COG1: variants seen among roughly 807,000 people sequenced by gnomAD.
The protein encoded by COG1 is conserved oligomeric Golgi complex subunit 1.
COG1 carries 61 observed loss-of-function variants against 102.2 expected under a neutral mutation model. The ratio of observed to expected loss-of-function variants is 0.60; its 90% confidence interval spans 0.49 to 0.74. The LOEUF is 0.74. Ranked by LOEUF, COG1 falls within the 30% of genes least tolerant of loss-of-function variation. The pLI is 0.00. For missense variants in COG1, 1,164 were observed against 1,232.1 expected, an observed-to-expected ratio of 0.94 and a Z score of 0.83; for synonymous variants, 454 against 493.6, an observed-to-expected ratio of 0.92 and a Z score of 1.06.
At chr17:73,197,815 C>A (rs2061331517) in intron 4 of COG1, among the ~76,000 whole-genome samples, 1 of 152,108 alleles carries the variant, frequency 6.6e-6, no homozygotes, top group South Asian at 2.1e-4. Context: ...AACTGTAAGA[C>A]AGCCAGTGAG....
chr17:73,194,515 G>A (rs1263551095), intron 1 of COG1, among the ~76,000 whole-genome samples: 1 of 146,208 alleles, frequency 6.8e-6, no homozygotes, highest in Non-Finnish European at 1.5e-5. Context: ...CCAGGCTGGA[G>A]TGCAGTGGCG....
intron 11 of COG1, among the ~76,000 whole-genome samples, 158 bp from the exon 12 acceptor site, chr17:73,206,550 A>C (rs1487361728): frequency 6.6e-6 from 1 of 152,140 alleles, no homozygotes; most frequent in Non-Finnish European, 1.5e-5. Flanking sequence ...ACCTGTGGGC[A>C]GTGATAAAAA....
At position 73,201,102 on chromosome 17, in the gene COG1, C is replaced by A. The variant is rs773727583; in HGVS notation, c.1282-7C>A. 6.2e-7 allele frequency: 1 copy of A among 1,613,274 alleles called. No homozygotes were observed. Among genetic ancestry groups the A allele is most frequent in the African/African-American group, 1.3e-5 (1 of 74,934 alleles). ...GTGATTAGAACTCTTCTCTCATTCT[C>A]TTTTAGACTCTGACAAAAGAAGGCT... On this transcript the variant is annotated splice_region_variant and splice_polypyrimidine_tract_variant and intron_variant, in intron 6 of 13. Coordinates refer to ENST00000299886, the MANE Select transcript of COG1 (RefSeq NM_018714.3).
intron 4 of COG1, among the ~76,000 whole-genome samples, chr17:73,197,855 C>T (rs1000456428): frequency 2.0e-5 from 3 of 152,174 alleles, no homozygotes; most frequent in Non-Finnish European, 4.4e-5. Context: ...GCTGCTTGAG[C>T]AGAGACTGGA....
intron 13 of COG1, 90 bp downstream of exon 13, chr17:73,207,346 T>A (rs2145108654): frequency 8.5e-7 from 1 of 1,177,084 alleles, no homozygotes; most frequent in Non-Finnish European, 1.3e-6. Context: ...AATAACTGAT[T>A]AAGAACTGAA....
chr17:73,206,670 T>A, intron 11 of COG1, 38 bp from the exon 12 acceptor site: 4 of 1,188,692 alleles, frequency 3.4e-6, no homozygotes, highest in Non-Finnish European at 5.0e-6. Flanking sequence ...TTCTTTTACC[T>A]GCACAATGAA....
At position 73,203,153 on chromosome 17, in the gene COG1, AG is replaced by A. The variant is rs771293868; in HGVS notation, c.2220+10del. The A allele has an allele frequency of 1.9e-6, 3 of 1,614,146 alleles. No individual in the cohort carries two copies. Among genetic ancestry groups the A allele is most frequent in the Non-Finnish European group, 2.5e-6 (3 of 1,179,994 alleles). On this transcript the variant is annotated splice_region_variant and intron_variant, in intron 8 of 13. Coordinates refer to ENST00000299886, the MANE Select transcript of COG1 (RefSeq NM_018714.3). ...GATCCGACTCCCTGCACAGGTGAGCAGGGACCATGGGCTGAAAAAGGGAATA... is the reference window on the plus strand; with the variant it reads ...GATCCGACTCCCTGCACAGGTGAGCAGGACCATGGGCTGAAAAAGGGAATA...
chr17:73,206,638 CTT>C (rs75205063), intron 11 of COG1, 68 bp from the exon 12 acceptor site: 41,226 of 740,356 alleles, frequency 0.056, no homozygotes, highest in East Asian at 0.063. Context: ...GGTGACTAAC[CTT>C]TTTTTTTTTT....
At chr17:73,206,845 G>C in intron 12 of COG1, 28 bp downstream of exon 12, 1 of 1,540,378 alleles carries the variant, frequency 6.5e-7, no homozygotes, top group Non-Finnish European at 9.0e-7. Flanking sequence ...GCTTCTGCGG[G>C]GCACTTCGGG....
Position 73,193,372 on chromosome 17 carries a change from G to A in COG1, c.303G>A (p.Pro101=), listed in dbSNP as rs886053368. ...RQAGSAAPRP[P]RAQQPQQPSQ... is the part of the protein sequence containing the mutation. ...CCGGCTCGGCCGCGCCCCGGCCACCGCGGGCCCAGCAGGTCAGTCCCCGTG... is the reference window on the plus strand; with the variant it reads ...CCGGCTCGGCCGCGCCCCGGCCACCACGGGCCCAGCAGGTCAGTCCCCGTG... The change falls in exon 1 of 14, where the codon CCG becomes CCA. Residue 101 remains proline, a synonymous_variant. Coordinates refer to ENST00000299886, the MANE Select transcript of COG1 (RefSeq NM_018714.3). 2.0e-6 allele frequency: 3 copies of A among 1,489,000 alleles called. No homozygotes were observed. Among genetic ancestry groups the A allele is most frequent in the East Asian group, 2.6e-5 (1 of 38,936 alleles). 92.2% of individuals were successfully genotyped at this position (1,489,000 alleles called of 1,614,324 possible).
rs11658510 is a variant in COG1 at position 73,197,494 on chromosome 17, G to A, written c.913+98G>A. 0.29 allele frequency: 388,110 copies of A among 1,344,846 alleles called. 58,326 individuals are homozygous for A. Among genetic ancestry groups the A allele is most frequent in the Admixed American group, 0.33 (17,930 of 54,622 alleles). The allele number at this position is 1,344,846 out of a possible 1,614,324, so 83.3% of individuals were successfully genotyped here. On this transcript the variant is annotated intron_variant, in intron 4 of 13. Coordinates refer to ENST00000299886, the MANE Select transcript of COG1 (RefSeq NM_018714.3). Reference sequence around the variant, plus strand: ...AGCCACCATGCTAGGCTCTGGGGATGGAGCAGTGAACTGGACAAATAGAGG... The same window carrying A: ...AGCCACCATGCTAGGCTCTGGGGATAGAGCAGTGAACTGGACAAATAGAGG...
At chr17:73,202,798 G>A (rs541376188) in intron 7 of COG1, among the ~76,000 whole-genome samples, 5 of 152,266 alleles carry the variant, frequency 3.3e-5, no homozygotes, top group South Asian at 4.1e-4. Context: ...AAAAAAAGAA[G>A]TGGTATTTGA....
intron 13 of COG1, chr17:73,207,600 GTGA>G: frequency 1.1e-6 from 1 of 923,748 alleles, no homozygotes; most frequent in Non-Finnish European, 1.5e-6. Context: ...TTTTGTTCTG[GTGA>G]TGATGGTTTT....
chr17:73,199,814 A>G, intron 4 of COG1, 51 bp from the exon 5 acceptor site: 1 of 1,610,902 alleles, frequency 6.2e-7, no homozygotes, highest in South Asian at 1.1e-5. Context: ...CTGTTTCAAT[A>G]TGCACTTCAA....
intron 1 of COG1, among the ~76,000 whole-genome samples, chr17:73,196,087 G>C (rs554460267): frequency 6.6e-6 from 1 of 152,192 alleles, no homozygotes; most frequent in Non-Finnish European, 1.5e-5. Context: ...TTGATGTCTG[G>C]TGAGGGCCTT....
chr17:73,196,547 C>T lies in COG1; in HGVS notation c.356C>T (p.Ala119Val), dbSNP rs746751781. The T allele has an allele frequency of 7.4e-6, 12 of 1,614,200 alleles. No individual in the cohort carries two copies. The highest frequency in any genetic ancestry group is 9.3e-6 in the Non-Finnish European group (11 of 1,180,026). ...PSQEKFYSMA[A>V]QIKLLLEIPE... ...CAGGAGAAGTTCTACAGCATGGCTGCCCAGATCAAGCTACTCTTAGAAATT... is the reference window on the plus strand; with the variant it reads ...CAGGAGAAGTTCTACAGCATGGCTGTCCAGATCAAGCTACTCTTAGAAATT... Residue 119 changes from alanine (A) to valine (V), a missense_variant, in exon 2 of 14, where the codon GCC (alanine) becomes GTC (valine). Physicochemically the swap from Ala to Val is moderately conservative, Grantham distance 64. Transcript: ENST00000299886.
chr17:73,193,332 C>T lies in COG1; in HGVS notation c.263C>T (p.Ala88Val), dbSNP rs1259065584. The T allele has an allele frequency of 6.5e-7, 1 of 1,537,448 alleles. No homozygotes were observed. Among genetic ancestry groups the T allele is most frequent in the Non-Finnish European group, 8.7e-7 (1 of 1,144,584 alleles). ...DAVKATDQYC[A>V]RLRQAGSAAP... ...GTGAAGGCCACCGACCAGTACTGCGCCCGCCTCCGCCAGGCCGGCTCGGCC... is the reference window on the plus strand; with the variant it reads ...GTGAAGGCCACCGACCAGTACTGCGTCCGCCTCCGCCAGGCCGGCTCGGCC... Residue 88 changes from alanine (A) to valine (V), a missense_variant, in exon 1 of 14, where the codon GCC becomes GTC. Ala to Val is a moderately conservative substitution (Grantham distance 64). Coordinates refer to ENST00000299886, the MANE Select transcript of COG1 (RefSeq NM_018714.3).
At chr17:73,205,284 C>CT in intron 9 of COG1, 1 of 452,908 alleles carries the variant, frequency 2.2e-6, no homozygotes, top group Non-Finnish European at 4.0e-6. Flanking sequence ...GGCAAGGAGC[C>CT]TTTTTTTCCC....
rs2061356051 is a variant in COG1 at position 73,203,647 on chromosome 17, C to G, written c.2236C>G (p.Gln746Glu). The G allele has an allele frequency of 1.2e-6, 2 of 1,614,112 alleles. No homozygotes were observed. The highest frequency in any genetic ancestry group is 2.7e-5 in the African/African-American group (2 of 74,946). ...GTTCTTTTAGCCGTCCTGGTATGTACAGTCCTTCCTGTTTAGTTTATGCCA... is the reference window on the plus strand; with the variant it reads ...GTTCTTTTAGCCGTCCTGGTATGTAGAGTCCTTCCTGTTTAGTTTATGCCA... ...RLPAQPSWYV[Q>E]SFLFSLCQEI... is the part of the protein sequence containing the mutation. The change falls in exon 9 of 14, where the codon CAG (glutamine) becomes GAG (glutamate). Residue 746 changes from glutamine to glutamate, a missense_variant. Physicochemically the swap from Gln to Glu is conservative, Grantham distance 29. Coordinates refer to ENST00000299886, the MANE Select transcript of COG1 (RefSeq NM_018714.3).
Sources: gnomAD v4.1 joint callset for allele counts (sites outside exome capture counted in the v4.1 genomes callset) on GRCh38, gnomAD v4.1.1 for gene constraint, MANE v1.5 for transcripts, NCBI Gene and HGNC (gene_info 2026-07-23, HGNC 2026-07-21) for gene names.